The following CELF2 variants were observed in gnomAD, a reference collection of about 807,000 sequenced individuals.
CELF2 encodes the protein CUGBP Elav-like family member 2.
A neutral mutation model predicts 62.6 loss-of-function variants in CELF2; 8 were observed. The ratio of observed to expected loss-of-function variants is 0.13; its 90% CI spans 0.07 to 0.23. The LOEUF is 0.23. CELF2 is among the 10% of genes least tolerant of loss of function. The pLI is 1.00. For missense variants in CELF2, 333 were observed against 671.0 expected, an observed-to-expected ratio of 0.50 and a Z score of 5.56; for synonymous variants, 258 against 250.0, an observed-to-expected ratio of 1.03 and a Z score of -0.30.
At chr10:10,629,902 G>A in the CELF2 span, among the ~76,000 whole-genome samples, 1 of 121,838 alleles carries the variant, frequency 8.2e-6, no homozygotes, top group Non-Finnish European at 1.7e-5. Context: ...GCTTGCTTTT[G>A]TGAAGCTATT....
At chr10:10,533,077 C>A in the CELF2 span, among the ~76,000 whole-genome samples, 1 of 152,146 alleles carries the variant, frequency 6.6e-6, no homozygotes, top group Non-Finnish European at 1.5e-5. Context: ...AGAAATAGTG[C>A]AGATGGCTAA....
intron 1 of CELF2, among the ~76,000 whole-genome samples, chr10:10,815,278 G>A (rs1241077245): frequency 1.3e-5 from 2 of 152,040 alleles, no homozygotes; most frequent in East Asian, 3.9e-4. Flanking sequence ...TTTACCTTTG[G>A]GCAACTGGCC....
the CELF2 span, among the ~76,000 whole-genome samples, chr10:10,738,711 A>G: frequency 3.9e-5 from 6 of 152,224 alleles, no homozygotes; most frequent in African/African-American, 1.4e-4. Flanking sequence ...AGTTCTTCTT[A>G]AAATCTTCAA....
chr10:11,043,927 T>G (rs1302923374), intron 1 of CELF2, among the ~76,000 whole-genome samples: 1 of 152,194 alleles, frequency 6.6e-6, no homozygotes, highest in Non-Finnish European at 1.5e-5. Flanking sequence ...TTCCAGCATC[T>G]TACATTTGCT....
chr10:10,588,084 G>A, the CELF2 span, among the ~76,000 whole-genome samples: 9 of 151,544 alleles, frequency 5.9e-5, no homozygotes, highest in Non-Finnish European at 1.2e-4. Context: ...CTAACAGACT[G>A]TGTTAAAGAA....
chr10:10,543,255 C>T, the CELF2 span, among the ~76,000 whole-genome samples: 1 of 152,060 alleles, frequency 6.6e-6, no homozygotes, highest in Non-Finnish European at 1.5e-5. Context: ...AAAGACTGGC[C>T]AAGGTTACAG....
chr10:11,030,117 G>A (rs1199267533), intron 1 of CELF2, among the ~76,000 whole-genome samples: 1 of 152,146 alleles, frequency 6.6e-6, no homozygotes, highest in Non-Finnish European at 1.5e-5. Flanking sequence ...GCTGCTTTTT[G>A]GTGTGTGTTT....
chr10:11,224,769 C>T lies in CELF2; in HGVS notation c.354+7262C>T, dbSNP rs565667771. Reference sequence around the variant, plus strand: ...CAGGAGATGATGTCCAGGTGAAGTGCGCTCGTGAGTTCGGAGCCTGGAGCT... The same window carrying T: ...CAGGAGATGATGTCCAGGTGAAGTGTGCTCGTGAGTTCGGAGCCTGGAGCT... On this transcript the variant is annotated intron_variant, in intron 3 of 12. Transcript: ENST00000633077. This position sits in a 1 kb window ranked among gnomAD's most constrained non-coding sequence, Gnocchi z 4.5. Among the ~76,000 whole-genome samples, 5 of 152,074 alleles carry T rather than the reference C, an allele frequency of 3.3e-5. No individual in the cohort carries two copies. The highest frequency in any genetic ancestry group is 7.4e-5 in the Non-Finnish European group (5 of 68,024).
At position 10,997,776 on chromosome 10, in the gene CELF2, C is replaced by T. The variant is rs1205379711; in HGVS notation, c.89+77777C>T. On this transcript the variant is annotated intron_variant, in intron 2 of 13. Coordinates refer to the CELF2 transcript ENST00000636488. This position sits in a 1 kb window ranked among gnomAD's most constrained non-coding sequence, Gnocchi z 5.3. Reference sequence around the variant, plus strand: ...GAACCTCCCTCACGGGCCCCGTAGTCGCTCACTTGTAGGGTGGTCTTCCCA... The same window carrying T: ...GAACCTCCCTCACGGGCCCCGTAGTTGCTCACTTGTAGGGTGGTCTTCCCA... 2.0e-5 allele frequency among the ~76,000 whole-genome samples: 3 copies of T among 152,166 alleles called. No homozygotes were observed. Among genetic ancestry groups the T allele is most frequent in the Non-Finnish European group, 2.9e-5 (2 of 68,026 alleles).
the CELF2 span, among the ~76,000 whole-genome samples, chr10:10,725,775 G>C: frequency 1.3e-4 from 20 of 152,012 alleles, no homozygotes; most frequent in Admixed American, 4.6e-4. Flanking sequence ...CGATATTCGG[G>C]TTGCCTGGTA....
At chr10:10,839,938 C>T (rs780640047) in intron 1 of CELF2, among the ~76,000 whole-genome samples, 57 of 152,242 alleles carry the variant, frequency 3.7e-4, no homozygotes, top group Middle Eastern at 3.4e-3. Flanking sequence ...TTGGTTTATC[C>T]GGAATGTCAT....
chr10:10,659,121 T>G, the CELF2 span, among the ~76,000 whole-genome samples: 1 of 152,202 alleles, frequency 6.6e-6, no homozygotes, highest in African/African-American at 2.4e-5. Context: ...TCAAATTGCT[T>G]TATTTAATAC....
intron 4 of CELF2, chr10:11,257,503 A>G: frequency 2.2e-6 from 1 of 460,398 alleles, no homozygotes; most frequent in South Asian, 2.9e-5. Context: ...ATATTAAAAC[A>G]TTTTATTAGT....
chr10:10,967,032 T>A (rs184256591), intron 2 of CELF2, among the ~76,000 whole-genome samples: 1 of 152,212 alleles, frequency 6.6e-6, no homozygotes, highest in South Asian at 2.1e-4. Context: ...CAGAGTTTAA[T>A]TGAGCAAAGA....
In CELF2 at chr10:11,227,850, C is replaced by T. The variant is rs1279014777; in HGVS notation, c.354+10343C>T. ...GGCTCCTGCAAACTCATCTCCTCTC[C>T]TGGAGGCTTAACTGAGTGACTGTGG... On this transcript the variant is annotated intron_variant, in intron 3 of 12. Coordinates refer to ENST00000633077, the MANE Select transcript of CELF2 (RefSeq NM_001326342.2). The surrounding 1 kb of genome is among the most constrained non-coding windows in gnomAD (Gnocchi z 4.8). 6.6e-6 allele frequency among the ~76,000 whole-genome samples: 1 copy of T among 152,182 alleles called. No homozygotes were observed. The highest frequency in any genetic ancestry group is 1.5e-5 in the Non-Finnish European group (1 of 68,036).
At chr10:10,647,198 A>G in the CELF2 span, among the ~76,000 whole-genome samples, 1 of 151,922 alleles carries the variant, frequency 6.6e-6, no homozygotes, top group African/African-American at 2.4e-5. Context: ...CTTTGTGTCA[A>G]ACTCCTGTTT....
chr10:10,769,549 G>C, the CELF2 span, among the ~76,000 whole-genome samples: 9 of 152,122 alleles, frequency 5.9e-5, no homozygotes, highest in Admixed American at 2.6e-4. Context: ...GGTCACCTGA[G>C]GTCAGGAGTT....
At chr10:10,907,304 T>C (rs1028057058) in intron 1 of CELF2, among the ~76,000 whole-genome samples, 8 of 152,350 alleles carry the variant, frequency 5.3e-5, no homozygotes, top group African/African-American at 1.9e-4. Context: ...AAATGGCAGA[T>C]TTGACAGTTA....
intron 2 of CELF2, chr10:10,922,864 C>T (rs1283646250): frequency 3.3e-5 from 5 of 152,164 alleles, no homozygotes; most frequent in African/African-American, 4.8e-5. Context: ...GGTATTCTTT[C>T]GACTTCTCCA....
Sources: allele counts gnomAD v4.1 joint callset (sites outside exome capture counted in the v4.1 genomes callset), GRCh38; gene constraint gnomAD v4.1.1; non-coding constraint Gnocchi (gnomAD v3.1); transcripts MANE v1.5; gene names NCBI Gene and HGNC (gene_info 2026-07-23, HGNC 2026-07-21).